Variants in GALNT13 observed in about 807,000 individuals in gnomAD.
GALNT13 encodes the protein UDP-GalNAc:polypeptide N-acetylgalactosaminyltransferase 13.
A neutral mutation model predicts 64.2 loss-of-function variants in GALNT13; 28 were observed. The observed-to-expected ratio is 0.44, with a 90% CI of 0.32 to 0.60. The LOEUF (loss-of-function observed/expected upper bound fraction) is 0.60, where lower values mean the gene tolerates loss of function less well. GALNT13 is among the 20% of genes least tolerant of loss of function. The pLI is 0.05. For synonymous variants in GALNT13, 214 were observed against 224.6 expected, an observed-to-expected ratio of 0.95 and a Z score of 0.42; for missense variants, 577 against 669.8, an observed-to-expected ratio of 0.86 and a Z score of 1.53.
chr2:154,283,093 A>G (rs919388742), intron 8 of GALNT13, among the ~76,000 whole-genome samples: 4 of 152,114 alleles, frequency 2.6e-5, no homozygotes, highest in Non-Finnish European at 5.9e-5. Context: ...ATCAAGGATC[A>G]TAGTGCCTTC....
chr2:154,158,862 G>C (rs969986356), intron 4 of GALNT13, among the ~76,000 whole-genome samples: 5 of 152,224 alleles, frequency 3.3e-5, no homozygotes, highest in African/African-American at 9.6e-5. Flanking sequence ...TAATGGAACA[G>C]TAGTCATAAA....
At chr2:154,055,872 C>T (rs895601070) in intron 3 of GALNT13, among the ~76,000 whole-genome samples, 3 of 152,114 alleles carry the variant, frequency 2.0e-5, no homozygotes, top group African/African-American at 7.2e-5. Context: ...ATCTAAAGGT[C>T]ATTCTGCAAT....
chr2:153,549,453 T>C, the GALNT13 span, among the ~76,000 whole-genome samples: 2,408 of 152,350 alleles, frequency 0.016, 75 homozygotes, highest in African/African-American at 0.055. Context: ...TCCTTTCTCC[T>C]TGAAACTGAG....
At chr2:153,510,681 G>A in the GALNT13 span, among the ~76,000 whole-genome samples, 12 of 152,028 alleles carry the variant, frequency 7.9e-5, no homozygotes, top group African/African-American at 2.9e-4. Context: ...TTAATATGTT[G>A]AGGCCTGGGC....
intron 1 of GALNT13, among the ~76,000 whole-genome samples, chr2:153,900,455 G>A (rs887517490): frequency 6.6e-6 from 1 of 152,128 alleles, no homozygotes; most frequent in African/African-American, 2.4e-5. Context: ...TTTAAATGCA[G>A]TTACAAAGTG....
intron 2 of GALNT13, among the ~76,000 whole-genome samples, chr2:153,931,939 C>A (rs1241259686): frequency 6.6e-6 from 1 of 152,108 alleles, no homozygotes; most frequent in Non-Finnish European, 1.5e-5. Context: ...AAGATTGGCA[C>A]CAGTTCTTTA....
Position 154,242,795 on chromosome 2 carries a change from T to C in GALNT13, c.576T>C (p.Arg192=), listed in dbSNP as rs757930080. The C allele has an allele frequency of 1.2e-6, 2 of 1,614,164 alleles. No homozygotes were observed. The highest frequency in any genetic ancestry group is 8.5e-7 in the Non-Finnish European group (1 of 1,179,982). The change falls in exon 6 of 13, where the codon CGT becomes CGC. Residue 192 remains arginine, a synonymous_variant. Transcript: ENST00000392825. ...AACGCTCTGGGTTAATACGTGCCCGTCTTCGAGGAGCAGCTGCTTCAAAAG... is the reference window on the plus strand; with the variant it reads ...AACGCTCTGGGTTAATACGTGCCCGCCTTCGAGGAGCAGCTGCTTCAAAAG... ...MEERSGLIRA[R]LRGAAASKGQ... is the part of the protein sequence containing the mutation.
chr2:153,972,299 G>A (rs1052265725), intron 3 of GALNT13, among the ~76,000 whole-genome samples: 43 of 152,026 alleles, frequency 2.8e-4, no homozygotes, highest in African/African-American at 9.9e-4. Flanking sequence ...AATACAGGAA[G>A]AGTCAAAACA....
chr2:153,336,351 C>A, the GALNT13 span, among the ~76,000 whole-genome samples: 1 of 152,088 alleles, frequency 6.6e-6, no homozygotes, highest in Non-Finnish European at 1.5e-5. Flanking sequence ...TGAAAGCAGC[C>A]AGGAGGGAGG....
chr2:153,412,905 C>T, the GALNT13 span, among the ~76,000 whole-genome samples: 3 of 152,000 alleles, frequency 2.0e-5, no homozygotes, highest in East Asian at 1.9e-4. Flanking sequence ...ACAGTCAGGG[C>T]CTAAGCAGAA....
chr2:153,464,685 ATGT>A, the GALNT13 span, among the ~76,000 whole-genome samples: 1 of 152,064 alleles, frequency 6.6e-6, no homozygotes, highest in Non-Finnish European at 1.5e-5. Context: ...AGGTCACACC[ATGT>A]TGTAAAATTA....
chr2:153,697,038 G>A, the GALNT13 span, among the ~76,000 whole-genome samples: 1 of 152,216 alleles, frequency 6.6e-6, no homozygotes, highest in Non-Finnish European at 1.5e-5. Flanking sequence ...AGGGTTTGCA[G>A]AAGCCTTTAT....
intron 1 of GALNT13, among the ~76,000 whole-genome samples, chr2:153,878,581 C>T (rs986539120): frequency 6.6e-6 from 1 of 152,112 alleles, no homozygotes; most frequent in African/African-American, 2.4e-5. Context: ...ATGACTTGTT[C>T]CTTCTTGGTA....
the GALNT13 span, among the ~76,000 whole-genome samples, chr2:153,088,121 G>A: frequency 1.4e-4 from 22 of 151,736 alleles, no homozygotes; most frequent in African/African-American, 5.3e-4. Context: ...AACTTTCTTA[G>A]CACTGTTTTT....
Position 154,155,789 on chromosome 2 carries a change from A to G in GALNT13, c.311+15284A>G, listed in dbSNP as rs539422191. 2.6e-5 allele frequency among the ~76,000 whole-genome samples: 4 copies of G among 152,068 alleles called. No homozygotes were observed. In the South Asian group the frequency reaches 8.3e-4, roughly 32 times the overall value. Reference sequence around the variant, plus strand: ...TTTGGACTTTGAATTTTAATATTTAATGTTGCTATGTAATTTTGTTCATTA... The same window carrying G: ...TTTGGACTTTGAATTTTAATATTTAGTGTTGCTATGTAATTTTGTTCATTA... On this transcript the variant is annotated intron_variant, in intron 4 of 12. Coordinates refer to ENST00000392825, the MANE Select transcript of GALNT13 (RefSeq NM_052917.4).
chr2:153,666,407 TAA>T, the GALNT13 span, among the ~76,000 whole-genome samples: 18,473 of 152,054 alleles, frequency 0.12, 1,547 homozygotes, highest in East Asian at 0.48. Flanking sequence ...CATGCATGCA[TAA>T]GAGTGGACCC....
intron 9 of GALNT13, among the ~76,000 whole-genome samples, chr2:154,304,972 A>G (rs1693650806): frequency 6.6e-6 from 1 of 152,166 alleles, no homozygotes; most frequent in African/African-American, 2.4e-5. Context: ...GGAAACCCCA[A>G]ACCTGAAACA....
chr2:154,378,415 A>G, intron 9 of GALNT13, among the ~76,000 whole-genome samples: 1 of 152,154 alleles, frequency 6.6e-6, no homozygotes, highest in South Asian at 2.1e-4. Flanking sequence ...ACCTCCTGCT[A>G]TTAGGAAACG....
chr2:154,225,006 T>A (rs10179667), intron 4 of GALNT13, among the ~76,000 whole-genome samples: 13,212 of 151,716 alleles, frequency 0.087, 793 homozygotes, highest in Middle Eastern at 0.14. Context: ...CTCTAAAAAA[T>A]TGATAGGGTT....
Sources: gnomAD v4.1 joint callset for allele counts (sites outside exome capture counted in the v4.1 genomes callset) on GRCh38, gnomAD v4.1.1 for gene constraint, MANE v1.5 for transcripts, NCBI Gene and HGNC (gene_info 2026-07-23, HGNC 2026-07-21) for gene names.